The following ATP2B1 variants were observed in gnomAD, a reference collection of about 807,000 sequenced individuals.
ATP2B1 encodes the protein ATPase plasma membrane Ca2+ transporting 1, also known as plasma membrane calcium-transporting ATPase 1.
ATP2B1 carries 14 observed loss-of-function variants against 124.2 expected under a neutral mutation model. That is an observed-to-expected ratio of 0.11 (90% CI 0.07 to 0.18). The LOEUF is 0.18. Among genes scored for constraint, ATP2B1 ranks in the 10% least tolerant of loss-of-function variants. ATP2B1 has a pLI of 1.00. For synonymous variants in ATP2B1, 449 were observed against 492.4 expected, an observed-to-expected ratio of 0.91 and a Z score of 1.17; for missense variants, 763 against 1,466.1, an observed-to-expected ratio of 0.52 and a Z score of 7.83.
intron 20 of ATP2B1, among the ~76,000 whole-genome samples, chr12:89,595,094 G>A (rs983634669): frequency 1.3e-5 from 2 of 152,052 alleles, no homozygotes; most frequent in African/African-American, 4.8e-5. Context: ...AACTTTTTCT[G>A]TGAAGTGCCA....
intron 2 of ATP2B1, among the ~76,000 whole-genome samples, chr12:89,647,208 C>A (rs964673676): frequency 3.3e-5 from 5 of 152,160 alleles, no homozygotes; most frequent in Non-Finnish European, 7.3e-5. Flanking sequence ...GCAATGAGGC[C>A]AAGGTCATGC....
chr12:89,695,237 G>A (rs1891009415), intron 1 of ATP2B1, among the ~76,000 whole-genome samples: 1 of 151,942 alleles, frequency 6.6e-6, no homozygotes, highest in Admixed American at 6.6e-5. Context: ...TGGGACATGT[G>A]CACACACTTA....
chr12:89,701,896 A>G lies in ATP2B1; in HGVS notation c.-222+6700T>C, dbSNP rs184975658. ...GGAAAAACACATACACATTCACAAC[A>G]AAAGGATGAGGGACCACCAGACTCT... On this transcript the variant is annotated intron_variant, in intron 1 of 20. Coordinates refer to ENST00000428670, the MANE Select transcript of ATP2B1 (RefSeq NM_001366521.1). Among the ~76,000 whole-genome samples the G allele has an allele frequency of 1.1e-3, 171 of 152,290 alleles. 3 individuals carry two copies. The highest frequency in any genetic ancestry group is 6.8e-3 in the Middle Eastern group (2 of 294).
intron 1 of ATP2B1, among the ~76,000 whole-genome samples, chr12:89,671,915 A>T (rs1478136595): frequency 1.3e-5 from 2 of 152,010 alleles, no homozygotes; most frequent in African/African-American, 4.8e-5. Flanking sequence ...CAGACTCTTT[A>T]CTATGGTAAA....
chr12:89,633,244 C>A (rs1414813831), intron 5 of ATP2B1, among the ~76,000 whole-genome samples: 1 of 151,928 alleles, frequency 6.6e-6, no homozygotes, highest in African/African-American at 2.4e-5. Context: ...TAAATGACAA[C>A]CACACCAATA....
chr12:89,640,163 T>G (rs2136228083), intron 3 of ATP2B1, among the ~76,000 whole-genome samples: 2 of 152,334 alleles, frequency 1.3e-5, no homozygotes, highest in Middle Eastern at 6.8e-3. Flanking sequence ...AGCAGGAATC[T>G]CTAAGAAATG....
chr12:89,684,204 C>T (rs879337781), intron 1 of ATP2B1, among the ~76,000 whole-genome samples: 5 of 152,036 alleles, frequency 3.3e-5, no homozygotes, highest in Non-Finnish European at 7.4e-5. Context: ...ACAAAAAGAG[C>T]AGGGACGGGA....
At chr12:89,676,666 A>G (rs1253417226) in intron 1 of ATP2B1, among the ~76,000 whole-genome samples, 1 of 152,144 alleles carries the variant, frequency 6.6e-6, no homozygotes, top group Non-Finnish European at 1.5e-5. Flanking sequence ...AGTAGTATGC[A>G]AAGTTTGGGG....
intron 20 of ATP2B1, among the ~76,000 whole-genome samples, chr12:89,591,815 CCTTA>C (rs1403088158): frequency 6.6e-6 from 1 of 151,826 alleles, no homozygotes; most frequent in Non-Finnish European, 1.5e-5. Context: ...CCCACTACTC[CCTTA>C]ATTAAAAACA....
At chr12:89,635,582 A>G (rs1882565480) in intron 3 of ATP2B1, among the ~76,000 whole-genome samples, 1 of 152,138 alleles carries the variant, frequency 6.6e-6, no homozygotes, top group Non-Finnish European at 1.5e-5. Context: ...TGATACCACC[A>G]GCTATTCCAG....
chr12:89,601,041 T>C (rs1875729558), intron 19 of ATP2B1, among the ~76,000 whole-genome samples: 1 of 152,146 alleles, frequency 6.6e-6, no homozygotes, highest in Non-Finnish European at 1.5e-5. Flanking sequence ...TCCTAACCAG[T>C]TATAAATACA....
At chr12:89,699,069 C>G (rs1001496891) in intron 1 of ATP2B1, among the ~76,000 whole-genome samples, 3 of 152,158 alleles carry the variant, frequency 2.0e-5, no homozygotes, top group African/African-American at 7.2e-5. Context: ...TCCCGTTTTG[C>G]CCCCCTGTCC....
chr12:89,591,534 CTCATTG>C (rs1873566027), intron 20 of ATP2B1, among the ~76,000 whole-genome samples: 1 of 151,982 alleles, frequency 6.6e-6, no homozygotes, highest in African/African-American at 2.4e-5. Flanking sequence ...TTAAGAAAAT[CTCATTG>C]TCATTGGCTA....
At chr12:89,614,193 G>A (rs1335088580) in intron 12 of ATP2B1, among the ~76,000 whole-genome samples, 4 of 152,152 alleles carry the variant, frequency 2.6e-5, no homozygotes, top group Admixed American at 2.6e-4. Context: ...CAGGCACAGT[G>A]GTGCATGCCT....
intron 20 of ATP2B1, among the ~76,000 whole-genome samples, chr12:89,598,254 C>T (rs1050866015): frequency 4.6e-5 from 7 of 152,034 alleles, no homozygotes; most frequent in African/African-American, 9.7e-5. Context: ...AGGAAACATG[C>T]AATATAAACA....
Position 89,588,652 on chromosome 12 carries a change from A to T in ATP2B1, c.*2332T>A, listed in dbSNP as rs911951892. 3 of 152,558 alleles carry T rather than the reference A, an allele frequency of 2.0e-5. No homozygotes were observed. The highest frequency in any genetic ancestry group is 7.2e-5 in the African/African-American group (3 of 41,436). The allele number at this position is 152,558 out of a possible 1,614,324, so 9.5% of individuals were successfully genotyped here. A position where few individuals can be genotyped will look rare whatever the true frequency, so the allele number is the denominator to read the frequency against. On this transcript the variant is annotated 3_prime_UTR_variant, in exon 21 of 21. Coordinates refer to ENST00000428670, the MANE Select transcript of ATP2B1 (RefSeq NM_001366521.1). ...TACACACTAAGCATGTCTTGCTACT[A>T]CTTCATAGATGTCATAAGACCCGTT... is the stretch of plus-strand genomic sequence containing the variant.
At chr12:89,597,271 T>C (rs1295921652) in intron 20 of ATP2B1, among the ~76,000 whole-genome samples, 3 of 152,176 alleles carry the variant, frequency 2.0e-5, no homozygotes, top group Non-Finnish European at 2.9e-5. Flanking sequence ...AGGCAATTTA[T>C]GGTTACCATT....
chr12:89,688,391 C>T (rs1173828668), intron 1 of ATP2B1, among the ~76,000 whole-genome samples: 1 of 152,084 alleles, frequency 6.6e-6, no homozygotes, highest in African/African-American at 2.4e-5. Context: ...TTATAAACTG[C>T]TGAATAGGGG....
chr12:89,680,706 A>G (rs2136631307), intron 1 of ATP2B1, among the ~76,000 whole-genome samples: 2 of 152,254 alleles, frequency 1.3e-5, no homozygotes, highest in Non-Finnish European at 2.9e-5. Context: ...CACATAGAAG[A>G]GGCAATCTAA....
Sources: gnomAD v4.1 joint callset for allele counts (sites outside exome capture counted in the v4.1 genomes callset) on GRCh38, gnomAD v4.1.1 for gene constraint, MANE v1.5 for transcripts, NCBI Gene and HGNC (gene_info 2026-07-23, HGNC 2026-07-21) for gene names.